The following SHROOM3 variants were observed in gnomAD, a reference collection of about 807,000 sequenced individuals.
The protein encoded by SHROOM3 is shroom family member 3.
Under a neutral mutation model 138.6 loss-of-function variants are expected in SHROOM3, and 47 were observed. The observed-to-expected ratio is 0.34, with a 90% CI of 0.27 to 0.43. The LOEUF is 0.43. Among genes scored for constraint, SHROOM3 ranks in the 20% least tolerant of loss-of-function variants. The pLI is 1.00. For missense variants in SHROOM3, 2,491 were observed against 2,596.5 expected (o/e 0.96, Z 0.88); for synonymous variants, 1,062 against 1,063.3 (o/e 1.00, Z 0.02).
At chr4:76,497,682 AC>A (rs1301746897) in intron 1 of SHROOM3, among the ~76,000 whole-genome samples, 1 of 152,076 alleles carries the variant, frequency 6.6e-6, no homozygotes, top group Admixed American at 6.6e-5. Context: ...ACATGGTGAA[AC>A]CCTGTCTCTA....
chr4:76,688,961 C>CA, intron 2 of SHROOM3: 1 of 831,868 alleles, frequency 1.2e-6, no homozygotes, highest in Non-Finnish European at 1.4e-6. Flanking sequence ...GTAATGCGAG[C>CA]TTTTTTTTTT....
At chr4:76,751,100 C>A (rs1469180461) in intron 6 of SHROOM3, among the ~76,000 whole-genome samples, 1 of 152,134 alleles carries the variant, frequency 6.6e-6, no homozygotes, top group African/African-American at 2.4e-5. Flanking sequence ...ACTAAAAATT[C>A]TGCTTGCAGT....
intron 2 of SHROOM3, among the ~76,000 whole-genome samples, chr4:76,594,620 A>G (rs1398946513): frequency 1.3e-5 from 2 of 152,250 alleles, no homozygotes; most frequent in African/African-American, 4.8e-5. Flanking sequence ...ACTCATTCAT[A>G]GTTTAATTAA....
intron 1 of SHROOM3, among the ~76,000 whole-genome samples, chr4:76,492,427 AG>A (rs1026300652): frequency 3.3e-5 from 5 of 152,232 alleles, no homozygotes; most frequent in Admixed American, 2.0e-4. Context: ...ATTACAAACT[AG>A]ATTTCACAAA....
At chr4:76,596,862 A>T (rs1734399847) in intron 2 of SHROOM3, among the ~76,000 whole-genome samples, 1 of 152,142 alleles carries the variant, frequency 6.6e-6, no homozygotes, top group Non-Finnish European at 1.5e-5. Flanking sequence ...CTCACCCCGG[A>T]GCCATCACTG....
Position 76,780,379 on chromosome 4 carries a change from C to T in SHROOM3, c.*1202C>T, listed in dbSNP as rs573297006. 3 of 152,102 alleles carry T rather than the reference C, an allele frequency of 2.0e-5. No homozygotes were observed. Among genetic ancestry groups the T allele is most frequent in the Admixed American group, 6.5e-5 (1 of 15,276 alleles). The allele number at this position is 152,102 out of a possible 1,614,324, so 9.4% of individuals were successfully genotyped here. A position where few individuals can be genotyped will look rare whatever the true frequency, so the allele number is the denominator to read the frequency against. ...TTACAGCTGCTGGAGATGGCAGTAG[C>T]CTTATACTTTGAGCAGGTAGTACAT... On this transcript the variant is annotated 3_prime_UTR_variant, in exon 11 of 11. Coordinates refer to ENST00000296043, the MANE Select transcript of SHROOM3 (RefSeq NM_020859.4).
intron 9 of SHROOM3, among the ~76,000 whole-genome samples, chr4:76,761,656 T>C (rs1721991041): frequency 6.6e-6 from 1 of 152,206 alleles, no homozygotes; most frequent in African/African-American, 2.4e-5. Context: ...GGAGGTTCTC[T>C]GGGTATAACT....
chr4:76,693,531 A>G (rs1015194202), intron 2 of SHROOM3, among the ~76,000 whole-genome samples: 1 of 151,762 alleles, frequency 6.6e-6, no homozygotes, highest in African/African-American at 2.4e-5. Flanking sequence ...CTACAGGCAC[A>G]TGCCACTATA....
chr4:76,774,601 A>G (rs916780238), intron 10 of SHROOM3, among the ~76,000 whole-genome samples: 3 of 152,002 alleles, frequency 2.0e-5, no homozygotes, highest in African/African-American at 7.2e-5. Context: ...AATATTTTAT[A>G]TATTTTTTAA....
intron 2 of SHROOM3, among the ~76,000 whole-genome samples, chr4:76,661,034 T>G (rs1056449425): frequency 2.0e-5 from 3 of 151,998 alleles, no homozygotes; most frequent in African/African-American, 7.2e-5. Context: ...TGGCCTCAAG[T>G]GATCCTCCTG....
At position 76,780,043 on chromosome 4, in the gene SHROOM3, G is replaced by A. The variant is rs1179185159; in HGVS notation, c.*866G>A. ...GACAACTCTCAGACCTATATAATAG[G>A]AGGAGGACGTCCAGAATCCAACAAA... On this transcript the variant is annotated 3_prime_UTR_variant, in exon 11 of 11. Coordinates refer to ENST00000296043, the MANE Select transcript of SHROOM3 (RefSeq NM_020859.4). 2.0e-5 allele frequency: 3 copies of A among 152,188 alleles called. No individual in the cohort carries two copies. The highest frequency in any genetic ancestry group is 4.4e-5 in the Non-Finnish European group (3 of 68,038). 9.4% of individuals were successfully genotyped at this position (152,188 alleles called of 1,614,324 possible). A position where few individuals can be genotyped will look rare whatever the true frequency, so the allele number is the denominator to read the frequency against.
At chr4:76,678,448 T>C (rs10213183) in intron 2 of SHROOM3, among the ~76,000 whole-genome samples, 45,271 of 151,988 alleles carry the variant, frequency 0.3, 6,993 homozygotes, top group East Asian at 0.42. Context: ...TTGAAGTTTA[T>C]TTTTCATGGC....
intron 2 of SHROOM3, among the ~76,000 whole-genome samples, chr4:76,686,640 T>C (rs1255401430): frequency 6.6e-6 from 1 of 152,118 alleles, no homozygotes; most frequent in African/African-American, 2.4e-5. Context: ...TAATCAACTG[T>C]AGTAAAAAAA....
In SHROOM3 at chr4:76,555,749, G is replaced by T. The variant is rs1189634136; in HGVS notation, c.309G>T (p.Arg103Ser). ...TGAAAGGATCCTACAAGACCCTCAG[G>T]CTGGTAGTGCGCAGGTAGGTGGCAG... is the stretch of plus-strand genomic sequence containing the variant. ...SLVKGSYKTL[R>S]LVVRRDVCTD... The change falls in exon 2 of 11, where the codon AGG (arginine) becomes AGT (serine). Residue 103 changes from arginine (R) to serine (S), a missense_variant. Transcript: ENST00000296043. The T allele has an allele frequency of 1.2e-6, 2 of 1,613,156 alleles. No homozygotes were observed. The highest frequency in any genetic ancestry group is 2.7e-5 in the African/African-American group (2 of 75,018).
chr4:76,646,216 T>TAATA lies in SHROOM3; in HGVS notation c.324-63931_324-63928dup, dbSNP rs1452185122. 3.2e-3 allele frequency among the ~76,000 whole-genome samples: 339 copies of TAATA among 105,002 alleles called. 14 individuals are homozygous for TAATA. Among genetic ancestry groups the TAATA allele is most frequent in the African/African-American group, 9.7e-3 (242 of 25,040 alleles). The allele number at this position is 105,002 out of a possible 152,430, so 68.9% of individuals were successfully genotyped here. ...CACATGTACCCTAGAACTTAAAGTA[T>TAATA]AATAAATAAATATATATATATATAT... On this transcript the variant is annotated intron_variant, in intron 2 of 10. Coordinates refer to ENST00000296043, the MANE Select transcript of SHROOM3 (RefSeq NM_020859.4).
intron 1 of SHROOM3, among the ~76,000 whole-genome samples, chr4:76,446,269 C>T (rs908077815): frequency 6.6e-6 from 1 of 151,474 alleles, no homozygotes; most frequent in African/African-American, 2.4e-5. Flanking sequence ...TGCGTTGTCA[C>T]TTTGTGATGC....
rs560481219 is a variant in SHROOM3 at position 76,621,365 on chromosome 4, G to A, written c.323+65602G>A. Among the ~76,000 whole-genome samples the A allele has an allele frequency of 1.5e-4, 23 of 152,282 alleles. No homozygotes were observed. In the South Asian group the frequency reaches 4.8e-3, roughly 32 times the overall value. ...CCTTCAGAGAGGCTGGACTAACGCT[G>A]ATTAAGAGAAAACACAAACAGTACA... On this transcript the variant is annotated intron_variant, in intron 2 of 10. Transcript: ENST00000296043.
intron 5 of SHROOM3, among the ~76,000 whole-genome samples, chr4:76,746,224 A>G (rs749415549): frequency 1.2e-4 from 18 of 152,316 alleles, no homozygotes; most frequent in South Asian, 4.1e-4. Context: ...TAAATGTTCT[A>G]TATCTGAAAA....
intron 1 of SHROOM3, among the ~76,000 whole-genome samples, chr4:76,457,863 T>C (rs941032470): frequency 2.6e-5 from 4 of 151,248 alleles, no homozygotes; most frequent in African/African-American, 9.7e-5. Context: ...TGGCCTGATC[T>C]CGGCTCACTG....
Sources: gnomAD v4.1 joint callset for allele counts (sites outside exome capture counted in the v4.1 genomes callset) on GRCh38, gnomAD v4.1.1 for gene constraint, MANE v1.5 for transcripts, NCBI Gene and HGNC (gene_info 2026-07-23, HGNC 2026-07-21) for gene names.